PLEKHM3: variants seen among roughly 807,000 people sequenced by gnomAD.
PLEKHM3 encodes the protein pleckstrin homology domain-containing family M member 3.
A neutral mutation model predicts 81.8 loss-of-function variants in PLEKHM3; 45 were observed. That is an observed-to-expected ratio of 0.55 (90% CI 0.43 to 0.71). The LOEUF (loss-of-function observed/expected upper bound fraction) is 0.71, where lower values mean the gene tolerates loss of function less well. Among genes scored for constraint, PLEKHM3 ranks in the 30% least tolerant of loss-of-function variants. The probability of loss-of-function intolerance (pLI) is 0.00; values close to 1 mark genes in which losing one functional copy is unlikely to be tolerated. For missense variants in PLEKHM3, 788 were observed against 924.3 expected, an observed-to-expected ratio of 0.85 and a Z score of 1.91; for synonymous variants, 352 against 356.4, an observed-to-expected ratio of 0.99 and a Z score of 0.14.
intron 3 of PLEKHM3, among the ~76,000 whole-genome samples, chr2:207,972,597 A>AG (rs1161897985): frequency 3.3e-5 from 5 of 151,830 alleles, no homozygotes; most frequent in Non-Finnish European, 7.4e-5. Flanking sequence ...AAAAAAAAAA[A>AG]AAAAAAAAGA....
At chr2:207,942,533 T>C (rs1352270905) in intron 4 of PLEKHM3, among the ~76,000 whole-genome samples, 2 of 140,916 alleles carry the variant, frequency 1.4e-5, no homozygotes. Context: ...ATGGATTCTG[T>C]CAAATGCAGC....
chr2:207,950,273 A>C (rs1039798958), intron 3 of PLEKHM3, among the ~76,000 whole-genome samples: 2 of 152,224 alleles, frequency 1.3e-5, no homozygotes, highest in Admixed American at 1.3e-4. Flanking sequence ...CTGCATGCTC[A>C]GAACTACTTT....
At chr2:207,999,087 A>C (rs1459651641) in intron 2 of PLEKHM3, among the ~76,000 whole-genome samples, 1 of 151,574 alleles carries the variant, frequency 6.6e-6, no homozygotes, top group African/African-American at 2.4e-5. Flanking sequence ...GGTTCAATCG[A>C]TTTTCATGCC....
chr2:207,855,676 T>C (rs1390164398), intron 7 of PLEKHM3, among the ~76,000 whole-genome samples: 2 of 152,086 alleles, frequency 1.3e-5, no homozygotes, highest in Non-Finnish European at 2.9e-5. Context: ...TGGCACTACC[T>C]CTATGGCCTT....
At chr2:207,839,498 G>T (rs1470234782) in intron 7 of PLEKHM3, among the ~76,000 whole-genome samples, 1 of 152,094 alleles carries the variant, frequency 6.6e-6, no homozygotes, top group Non-Finnish European at 1.5e-5. Flanking sequence ...TCTCCTATTT[G>T]TCTCTCTAAG....
chr2:207,959,166 C>T (rs1425709800), intron 3 of PLEKHM3, among the ~76,000 whole-genome samples: 1 of 152,106 alleles, frequency 6.6e-6, no homozygotes, highest in East Asian at 1.9e-4. Context: ...AAATTCTGTA[C>T]CCAAAGCACA....
chr2:208,013,596 C>T (rs866843235), intron 1 of PLEKHM3, among the ~76,000 whole-genome samples: 1 of 152,106 alleles, frequency 6.6e-6, no homozygotes, highest in African/African-American at 2.4e-5. Context: ...AAGGTTCCAC[C>T]AGAGAGTGAG....
chr2:208,023,338 A>G (rs1259268995), intron 1 of PLEKHM3, among the ~76,000 whole-genome samples: 2 of 145,826 alleles, frequency 1.4e-5, no homozygotes, highest in Non-Finnish European at 2.9e-5. Context: ...TGTACAGTTC[A>G]GTATTGTTAA....
At chr2:207,881,570 G>GT (rs2092591396) in intron 6 of PLEKHM3, among the ~76,000 whole-genome samples, 1 of 152,182 alleles carries the variant, frequency 6.6e-6, no homozygotes, top group African/African-American at 2.4e-5. Flanking sequence ...TTTCTATTCA[G>GT]TAACTATGTG....
intron 6 of PLEKHM3, among the ~76,000 whole-genome samples, chr2:207,878,164 A>G (rs2092568812): frequency 6.6e-6 from 1 of 152,136 alleles, no homozygotes; most frequent in Admixed American, 6.6e-5. Flanking sequence ...TCTCGAACTC[A>G]TGGGATCAAG....
intron 1 of PLEKHM3, among the ~76,000 whole-genome samples, chr2:208,015,702 T>C (rs1468255008): frequency 2.0e-5 from 3 of 152,256 alleles, no homozygotes; most frequent in African/African-American, 7.2e-5. Flanking sequence ...GTTTACATAG[T>C]CCTAATTGCC....
chr2:207,913,869 G>A (rs1330227711), intron 5 of PLEKHM3, among the ~76,000 whole-genome samples: 4 of 152,042 alleles, frequency 2.6e-5, no homozygotes, highest in Non-Finnish European at 1.5e-5. Context: ...GAAATGGGAT[G>A]TGGACCCAGC....
chr2:207,865,796 AAAAAAAGATATATATAT>A (rs1447651867), intron 6 of PLEKHM3, among the ~76,000 whole-genome samples: 506 of 45,380 alleles, frequency 0.011, 53 homozygotes, highest in African/African-American at 0.053. Context: ...AAAAAAAAAA[AAAAAAAGATATATATAT>A]ATATATATAT....
chr2:207,983,184 T>C (rs924074948), intron 2 of PLEKHM3, among the ~76,000 whole-genome samples: 4 of 152,050 alleles, frequency 2.6e-5, no homozygotes. Flanking sequence ...CCCAAGTAGC[T>C]GGGACTACAG....
At chr2:207,965,015 G>A (rs945494112) in intron 3 of PLEKHM3, among the ~76,000 whole-genome samples, 1 of 152,030 alleles carries the variant, frequency 6.6e-6, no homozygotes, top group Non-Finnish European at 1.5e-5. Flanking sequence ...ATTTTAAAAT[G>A]GCAAGTTTTT....
intron 4 of PLEKHM3, among the ~76,000 whole-genome samples, chr2:207,938,425 G>A (rs753642936): frequency 2.6e-5 from 4 of 152,180 alleles, no homozygotes; most frequent in Non-Finnish European, 5.9e-5. Context: ...ATTCTGTTCT[G>A]CAAAACCATT....
At chr2:207,923,819 A>G (rs1366475082) in intron 5 of PLEKHM3, among the ~76,000 whole-genome samples, 1 of 146,044 alleles carries the variant, frequency 6.8e-6, no homozygotes, top group South Asian at 2.2e-4. Context: ...GACCACATGG[A>G]TATATATACA....
At chr2:207,880,762 C>CAAAAAAAAAA (rs61384566) in intron 6 of PLEKHM3, among the ~76,000 whole-genome samples, 70 of 6,962 alleles carry the variant, frequency 0.01, 11 homozygotes, top group African/African-American at 0.016. Context: ...GACTCTGTCT[C>CAAAAAAAAAA]AAAAAAAAAA....
chr2:207,998,353 C>G lies in PLEKHM3; in HGVS notation c.610+2677G>C, dbSNP rs182934442. Reference sequence around the variant, plus strand: ...ACCTCGTCTCTACTAAAAATAATAACAATAAAAAATTAGCCAGGCATGGTG... The same window carrying G: ...ACCTCGTCTCTACTAAAAATAATAAGAATAAAAAATTAGCCAGGCATGGTG... On this transcript the variant is annotated intron_variant, in intron 2 of 7. Coordinates refer to ENST00000427836, the MANE Select transcript of PLEKHM3 (RefSeq NM_001080475.3). 2.4e-3 allele frequency among the ~76,000 whole-genome samples: 362 copies of G among 152,034 alleles called. 6 individuals carry two copies. Among genetic ancestry groups the G allele is most frequent in the Non-Finnish European group, 7.9e-4 (54 of 67,960 alleles).
Sources: gnomAD v4.1 joint callset for allele counts (sites outside exome capture counted in the v4.1 genomes callset) on GRCh38, gnomAD v4.1.1 for gene constraint, MANE v1.5 for transcripts, NCBI Gene and HGNC (gene_info 2026-07-23, HGNC 2026-07-21) for gene names.